Variants in MRE11 observed in about 807,000 individuals in gnomAD.
MRE11 encodes MRE11 double strand break repair nuclease.
A neutral mutation model predicts 91.7 loss-of-function variants in MRE11; 62 were observed. The observed-to-expected ratio is 0.68, with a 90% confidence interval of 0.55 to 0.84. The LOEUF is 0.84. Ranked by LOEUF, MRE11 falls within the 40% of genes least tolerant of loss-of-function variation. The probability of loss-of-function intolerance (pLI) is 0.00; values close to 1 mark genes in which losing one functional copy is unlikely to be tolerated. For missense variants in MRE11, 796 were observed against 852.9 expected (o/e 0.93, Z 0.83); for synonymous variants, 273 against 271.4 (o/e 1.01, Z -0.06).
At chr11:94,448,631 G>T (rs1443509588) in intron 14 of MRE11, among the ~76,000 whole-genome samples, 1 of 151,550 alleles carries the variant, frequency 6.6e-6, no homozygotes, top group African/African-American at 2.4e-5. Context: ...GAAAAGAAAC[G>T]GAAGAATTAA....
At chr11:94,504,149 T>C in the MRE11 span, among the ~76,000 whole-genome samples, 15 of 152,322 alleles carry the variant, frequency 9.8e-5, no homozygotes, top group Admixed American at 2.0e-4. Flanking sequence ...GATGGAAATA[T>C]GCCGTAGCTT....
At chr11:94,508,239 A>C in the MRE11 span, among the ~76,000 whole-genome samples, 2 of 152,182 alleles carry the variant, frequency 1.3e-5, no homozygotes, top group Admixed American at 6.5e-5. Context: ...GAGCTACAGC[A>C]TCTGGCCTGA....
chr11:94,444,685 C>T lies in MRE11; in HGVS notation c.1867+1125G>A, dbSNP rs189628866. On this transcript the variant is annotated intron_variant, in intron 16 of 19. Transcript: ENST00000323929. Reference sequence around the variant, plus strand: ...TGCTGTTAAACTCACATACCTCTCACAACTCTACTTGTGCAGCTGTCCTTT... The same window carrying T: ...TGCTGTTAAACTCACATACCTCTCATAACTCTACTTGTGCAGCTGTCCTTT... 3.9e-4 allele frequency among the ~76,000 whole-genome samples: 59 copies of T among 152,334 alleles called. 1 individual carries two copies. The highest frequency in any genetic ancestry group is 3.8e-3 in the Admixed American group (58 of 15,302).
chr11:94,443,771 T>C (rs1413391993), intron 16 of MRE11, among the ~76,000 whole-genome samples: 2 of 152,134 alleles, frequency 1.3e-5, no homozygotes, highest in Non-Finnish European at 2.9e-5. Flanking sequence ...AGAGAATCCA[T>C]AAGCCAAAAT....
At chr11:94,485,130 G>A (rs1947106882) in intron 4 of MRE11, among the ~76,000 whole-genome samples, 1 of 151,998 alleles carries the variant, frequency 6.6e-6, no homozygotes, top group African/African-American at 2.4e-5. Flanking sequence ...CTACTCGCCT[G>A]TAATCCCAGC....
intron 19 of MRE11, among the ~76,000 whole-genome samples, chr11:94,422,261 A>G (rs958083709): frequency 2.6e-5 from 4 of 152,002 alleles, no homozygotes; most frequent in Non-Finnish European, 4.4e-5. Flanking sequence ...CTGACTTATA[A>G]CTCTTCCTCT....
intron 7 of MRE11, among the ~76,000 whole-genome samples, chr11:94,472,573 G>A (rs555134572): frequency 6.6e-6 from 1 of 152,084 alleles, no homozygotes; most frequent in Non-Finnish European, 1.5e-5. Flanking sequence ...AAGCAATGCA[G>A]GTTGAGTCCC....
the MRE11 span, among the ~76,000 whole-genome samples, chr11:94,512,207 T>C: frequency 6.6e-5 from 10 of 152,248 alleles, no homozygotes; most frequent in South Asian, 2.1e-4. Context: ...TGAGGCCTTA[T>C]GCAGTTTCCT....
intron 9 of MRE11, among the ~76,000 whole-genome samples, chr11:94,469,570 G>A (rs537451659): frequency 1.3e-5 from 2 of 152,220 alleles, no homozygotes; most frequent in Admixed American, 6.5e-5. Context: ...AGTTTCTAGA[G>A]TCAATCATCT....
intron 16 of MRE11, among the ~76,000 whole-genome samples, chr11:94,445,559 C>T (rs1024986692): frequency 1.3e-5 from 2 of 152,192 alleles, no homozygotes; most frequent in Admixed American, 6.5e-5. Flanking sequence ...CTGCCTGTCT[C>T]GGCCTCCCAA....
intron 14 of MRE11, 114 bp downstream of exon 14, chr11:94,456,162 C>T (rs527488088): frequency 2.1e-6 from 2 of 946,124 alleles, no homozygotes; most frequent in South Asian, 2.8e-5. Flanking sequence ...TAAGCCAACC[C>T]CAGCTCACTC....
At chr11:94,445,921 C>T (rs779990219) in intron 15 of MRE11, 28 bp from the exon 16 acceptor site, 2 of 1,495,290 alleles carry the variant, frequency 1.3e-6, no homozygotes, top group African/African-American at 2.7e-5. Context: ...AGTCAATGTA[C>T]AAGCCTATCA....
intron 19 of MRE11, among the ~76,000 whole-genome samples, chr11:94,429,634 G>T (rs1945409663): frequency 6.6e-6 from 1 of 152,202 alleles, no homozygotes; most frequent in Admixed American, 6.5e-5. Context: ...TGGACATGAA[G>T]ATGGGAACAA....
chr11:94,467,872 C>T lies in MRE11; in HGVS notation c.1039G>A (p.Ala347Thr). The T allele has an allele frequency of 6.2e-7, 1 of 1,613,578 alleles. No individual in the cohort carries two copies. Among genetic ancestry groups the T allele is most frequent in the Non-Finnish European group, 8.5e-7 (1 of 1,179,742 alleles). The change falls in exon 10 of 20, where the codon GCT (alanine) becomes ACT (threonine). Residue 347 changes from alanine (A) to threonine (T), a missense_variant. By Grantham distance (58) the Ala-to-Thr change is moderately conservative. Transcript: ENST00000323929. ...GAATTACCCAGACGTTCCCGTTCAGCATTTTCAAGCATTTCTTCAATCTCA... is the reference window on the plus strand; with the variant it reads ...GAATTACCCAGACGTTCCCGTTCAGTATTTTCAAGCATTTCTTCAATCTCA... ...LEKIEEMLEN[A>T]ERERLGNSHQ...
intron 13 of MRE11, among the ~76,000 whole-genome samples, chr11:94,458,187 T>G (rs993283385): frequency 1.2e-4 from 18 of 152,118 alleles, no homozygotes; most frequent in South Asian, 4.1e-4. Flanking sequence ...AATGAGTTTT[T>G]TTTTTTTTTT....
At position 94,464,207 on chromosome 11, in the gene MRE11, A is replaced by G. The variant is rs878854775; in HGVS notation, c.1131T>C (p.Ser377=). 1 of 1,614,006 alleles carries G rather than the reference A, an allele frequency of 6.2e-7. No homozygotes were observed. Among genetic ancestry groups the G allele is most frequent in the Non-Finnish European group, 8.5e-7 (1 of 1,179,934 alleles). The part of the protein sequence containing the change: ...VDYSGGFEPF[S]VLRFSQKFVD... The stretch of plus-strand genomic sequence containing the variant: ...CAAATTTCTGGCTAAAGCGAAGAAC[A>G]CTGAAAGGTTCAAAACCTCCACTAT... The change falls in exon 11 of 20, where the codon AGT becomes AGC. Residue 377 remains serine (S), a synonymous_variant. Transcript: ENST00000323929.
At chr11:94,474,465 A>T (rs1946801523) in intron 7 of MRE11, among the ~76,000 whole-genome samples, 1 of 151,034 alleles carries the variant, frequency 6.6e-6, no homozygotes, top group Non-Finnish European at 1.5e-5. Flanking sequence ...GTAAATAGAG[A>T]AGAAGGGACA....
chr11:94,427,481 A>G (rs1945355969), intron 19 of MRE11, among the ~76,000 whole-genome samples: 1 of 152,210 alleles, frequency 6.6e-6, no homozygotes, highest in Non-Finnish European at 1.5e-5. Context: ...GAGAACTGGA[A>G]AAAGATAAGA....
chr11:94,477,771 A>G (rs1445141884), intron 6 of MRE11, among the ~76,000 whole-genome samples: 1 of 150,436 alleles, frequency 6.6e-6, no homozygotes, highest in Non-Finnish European at 1.5e-5. Flanking sequence ...AGAAAAAGCA[A>G]TGCGGTTTAG....
Sources: gnomAD v4.1 joint callset for allele counts (sites outside exome capture counted in the v4.1 genomes callset) on GRCh38, gnomAD v4.1.1 for gene constraint, MANE v1.5 for transcripts, NCBI Gene and HGNC (gene_info 2026-07-23, HGNC 2026-07-21) for gene names.